The following PSPC1 variants were observed in gnomAD, a reference collection of about 807,000 sequenced individuals.
The protein encoded by PSPC1 is paraspeckle protein 1.
A neutral mutation model predicts 51.6 loss-of-function variants in PSPC1; 14 were observed. That is an observed-to-expected ratio of 0.27 (90% CI 0.18 to 0.42). The LOEUF is 0.42. Ranked by LOEUF, PSPC1 falls within the 10% of genes least tolerant of loss-of-function variation. The pLI is 1.00. For missense variants in PSPC1, 406 were observed against 701.1 expected (o/e 0.58, Z 4.75); for synonymous variants, 193 against 231.9 (o/e 0.83, Z 1.53).
chr13:19,782,873 A>G lies in PSPC1; in HGVS notation c.-116T>C. On this transcript the variant is annotated 5_prime_UTR_variant, in exon 1 of 9. Coordinates refer to ENST00000338910, the MANE Select transcript of PSPC1 (RefSeq NM_001354909.2). This position sits in a 1 kb window ranked among gnomAD's most constrained non-coding sequence, Gnocchi z 4.5. Reference sequence around the variant, plus strand: ...CCAACAAAATATCGACAATCAAGAGACCGCTAGGTAGGCGAGTCGGCAACC... The same window carrying G: ...CCAACAAAATATCGACAATCAAGAGGCCGCTAGGTAGGCGAGTCGGCAACC... 4.9e-6 allele frequency: 6 copies of G among 1,231,680 alleles called. No homozygotes were observed. Among genetic ancestry groups the G allele is most frequent in the Non-Finnish European group, 6.3e-6 (6 of 951,748 alleles). 76.3% of individuals were successfully genotyped at this position (1,231,680 alleles called of 1,614,324 possible). A position where few individuals can be genotyped will look rare whatever the true frequency, so the allele number is the denominator to read the frequency against.
In PSPC1 at chr13:19,726,915, T is replaced by C. The variant is rs572392677; in HGVS notation, c.1158+3324A>G. Among the ~76,000 whole-genome samples, 24 of 152,328 alleles carry C rather than the reference T, an allele frequency of 1.6e-4. No individual in the cohort carries two copies. The South Asian group carries it at 1.9e-3, about 12-fold the overall frequency. On this transcript the variant is annotated intron_variant, in intron 6 of 8. Transcript: ENST00000338910. ...CAACATACCTTTATTCTCAAGTTTA[T>C]TATGTGTGTTGAATAAACTGTGTTG...
At chr13:19,761,067 C>A (rs1430748731) in intron 2 of PSPC1, among the ~76,000 whole-genome samples, 2 of 151,872 alleles carry the variant, frequency 1.3e-5, no homozygotes, top group African/African-American at 4.8e-5. Context: ...ATCACTTGAG[C>A]CCAGGAATTT....
At chr13:19,692,413 G>A (rs1878678940) in intron 6 of PSPC1, among the ~76,000 whole-genome samples, 1 of 152,078 alleles carries the variant, frequency 6.6e-6, no homozygotes, top group African/African-American at 2.4e-5. Context: ...GCGCCCACCC[G>A]GCCAAGTCTT....
intron 5 of PSPC1, among the ~76,000 whole-genome samples, chr13:19,734,811 AT>A (rs1884570319): frequency 6.6e-6 from 1 of 151,750 alleles, no homozygotes. Context: ...CAAAAAAAAA[AT>A]AATAAGAATA....
At chr13:19,682,598 A>G (rs1005144677) in intron 6 of PSPC1, among the ~76,000 whole-genome samples, 30 of 152,162 alleles carry the variant, frequency 2.0e-4, no homozygotes, top group Admixed American at 1.4e-3. Flanking sequence ...AAAGCAAATT[A>G]AAACCACAAT....
intron 6 of PSPC1, among the ~76,000 whole-genome samples, chr13:19,723,583 C>A (rs1593623382): frequency 6.6e-6 from 1 of 152,176 alleles, no homozygotes; most frequent in East Asian, 1.9e-4. Flanking sequence ...ATTATTGAAA[C>A]TATTAAATAA....
At chr13:19,716,571 T>A (rs1460534290) in intron 6 of PSPC1, among the ~76,000 whole-genome samples, 1 of 152,172 alleles carries the variant, frequency 6.6e-6, no homozygotes, top group Non-Finnish European at 1.5e-5. Flanking sequence ...GCTTTAAGAA[T>A]TGTCCAGGAA....
At chr13:19,724,923 T>C (rs532558862) in intron 6 of PSPC1, among the ~76,000 whole-genome samples, 1 of 152,022 alleles carries the variant, frequency 6.6e-6, no homozygotes, top group Non-Finnish European at 1.5e-5. Context: ...CACTTGAACC[T>C]GGGAGGCGGG....
intron 6 of PSPC1, among the ~76,000 whole-genome samples, chr13:19,724,115 T>A (rs1256241535): frequency 6.6e-6 from 1 of 152,178 alleles, no homozygotes; most frequent in Admixed American, 6.5e-5. Flanking sequence ...AAGTTTAGAC[T>A]TCAAAAAACA....
chr13:19,717,993 T>G (rs935191900), intron 6 of PSPC1, among the ~76,000 whole-genome samples: 8 of 151,860 alleles, frequency 5.3e-5, no homozygotes, highest in African/African-American at 1.9e-4. Flanking sequence ...TGGTGACCTA[T>G]GATTGCGTCA....
chr13:19,728,439 AAC>A (rs56662113), intron 6 of PSPC1, among the ~76,000 whole-genome samples: 2,703 of 144,322 alleles, frequency 0.019, 60 homozygotes, highest in East Asian at 0.045. Context: ...TCAAAGCTTA[AAC>A]ACACACACAC....
chr13:19,756,818 A>T (rs1887120944), intron 3 of PSPC1, among the ~76,000 whole-genome samples: 1 of 151,884 alleles, frequency 6.6e-6, no homozygotes, highest in Admixed American at 6.6e-5. Context: ...TTATGGTTTG[A>T]ATCTTCTGGA....
intron 7 of PSPC1, among the ~76,000 whole-genome samples, chr13:19,706,726 T>C (rs1314419331): frequency 6.6e-6 from 1 of 152,204 alleles, no homozygotes; most frequent in African/African-American, 2.4e-5. Context: ...TAAAAATTCA[T>C]AACAAAGCCA....
chr13:19,745,190 C>A (rs1309425201), intron 4 of PSPC1, among the ~76,000 whole-genome samples: 2 of 152,010 alleles, frequency 1.3e-5, no homozygotes, highest in African/African-American at 4.8e-5. Context: ...TGGTGGCACA[C>A]GCCTGTAGTC....
rs1043707460 is a variant in PSPC1, at chr13:19,757,001, G to A, written c.770+2322C>T. On this transcript the variant is annotated intron_variant, in intron 3 of 8. Transcript: ENST00000338910. ...AAAAATTAGCCGGGCATGGTGGCAC[G>A]TGCCTACAGTCCCAGCTACTTGGGA... Among the ~76,000 whole-genome samples, 6 of 151,956 alleles carry A rather than the reference G, an allele frequency of 3.9e-5. No homozygotes were observed. The East Asian group carries it at 1.2e-3, about 30-fold the overall frequency.
At chr13:19,714,733 G>A (rs1881884242) in intron 6 of PSPC1, among the ~76,000 whole-genome samples, 1 of 152,026 alleles carries the variant, frequency 6.6e-6, no homozygotes, top group Non-Finnish European at 1.5e-5. Flanking sequence ...GAGCTCAAGT[G>A]ATCCACCTGC....
intron 6 of PSPC1, among the ~76,000 whole-genome samples, chr13:19,689,401 A>G (rs889174821): frequency 1.3e-5 from 2 of 152,218 alleles, no homozygotes; most frequent in Non-Finnish European, 2.9e-5. Flanking sequence ...AGCTATATAG[A>G]AAAAAATGAG....
At chr13:19,746,915 G>A (rs1886055095) in intron 4 of PSPC1, among the ~76,000 whole-genome samples, 1 of 152,102 alleles carries the variant, frequency 6.6e-6, no homozygotes, top group Non-Finnish European at 1.5e-5. Flanking sequence ...TTCGAGACCA[G>A]CCTGACCAAC....
intron 4 of PSPC1, among the ~76,000 whole-genome samples, chr13:19,749,475 C>T (rs1056117492): frequency 6.1e-5 from 9 of 147,840 alleles, no homozygotes; most frequent in East Asian, 2.0e-4. Context: ...TGCAGTGTGC[C>T]GAGATCATGC....
Sources: allele counts gnomAD v4.1 joint callset (sites outside exome capture counted in the v4.1 genomes callset), GRCh38; gene constraint gnomAD v4.1.1; non-coding constraint Gnocchi (gnomAD v3.1); transcripts MANE v1.5; gene names NCBI Gene and HGNC (gene_info 2026-07-23, HGNC 2026-07-21).